Variants in CHTF8 observed in about 807,000 individuals in gnomAD.
CHTF8 encodes chromosome transmission fidelity factor 8, also known as chromosome transmission fidelity protein 8 homolog.
Under a neutral mutation model 11.0 loss-of-function variants are expected in CHTF8, and 6 were observed. The observed-to-expected ratio is 0.55, with a 90% CI of 0.30 to 1.08. The LOEUF (loss-of-function observed/expected upper bound fraction) is 1.08, where lower values mean the gene tolerates loss of function less well. Among genes scored for constraint, CHTF8 ranks in the 50% least tolerant of loss-of-function variants. CHTF8 has a pLI of 0.07. For missense variants in CHTF8, 140 were observed against 153.1 expected (o/e 0.91, Z 0.45); for synonymous variants, 53 against 60.5 (o/e 0.88, Z 0.57).
Position 69,118,225 on chromosome 16 carries a change from G to A in CHTF8, c.*2200C>T. 1 of 568,996 alleles carries A rather than the reference G, an allele frequency of 1.8e-6. No individual in the cohort carries two copies. Among genetic ancestry groups the A allele is most frequent in the Non-Finnish European group, 3.3e-6 (1 of 300,652 alleles). The allele number at this position is 568,996 out of a possible 1,614,324, so 35.2% of individuals were successfully genotyped here. ...CAGTGAAGAGGGAGTTGGATGAGTA[G>A]AGGGGCCTTAAATCTGGCCACCTCT... On this transcript the variant is annotated 3_prime_UTR_variant, in exon 4 of 4. Transcript: ENST00000448552.
At chr16:69,128,419 A>G (rs912692862) in intron 1 of CHTF8, among the ~76,000 whole-genome samples, 1 of 152,216 alleles carries the variant, frequency 6.6e-6, no homozygotes, top group Non-Finnish European at 1.5e-5. Flanking sequence ...CCTTGGAAAG[A>G]TAAGAAGGTA....
At chr16:69,128,159 C>G (rs919103458) in intron 1 of CHTF8, among the ~76,000 whole-genome samples, 1 of 152,086 alleles carries the variant, frequency 6.6e-6, no homozygotes, top group Non-Finnish European at 1.5e-5. Context: ...ATGATCCACC[C>G]GCCTCGGCCT....
Position 69,119,007 on chromosome 16 carries a change from G to C in CHTF8, c.*1418C>G, listed in dbSNP as rs1961393721. 1 of 702,964 alleles carries C rather than the reference G, an allele frequency of 1.4e-6. No homozygotes were observed. Among genetic ancestry groups the C allele is most frequent in the African/African-American group, 1.7e-5 (1 of 57,282 alleles). 43.5% of individuals were successfully genotyped at this position (702,964 alleles called of 1,614,324 possible). On this transcript the variant is annotated 3_prime_UTR_variant, in exon 4 of 4. Coordinates refer to ENST00000448552, the MANE Select transcript of CHTF8 (RefSeq NM_001039690.5). The stretch of plus-strand genomic sequence containing the variant: ...CATTCATCCTTGGAAAGGAAGCTGG[G>C]TTGAGACCCAGGGTCCCAGTTGGCC...
rs111377027 is a variant in CHTF8, at chr16:69,119,695, G to A, written c.*730C>T. The A allele has an allele frequency of 2.9e-6, 2 of 678,226 alleles. No homozygotes were observed. The highest frequency in any genetic ancestry group is 5.4e-6 in the Non-Finnish European group (2 of 371,412). The allele number at this position is 678,226 out of a possible 1,614,324, so 42.0% of individuals were successfully genotyped here. On this transcript the variant is annotated 3_prime_UTR_variant, in exon 4 of 4. Coordinates refer to ENST00000448552, the MANE Select transcript of CHTF8 (RefSeq NM_001039690.5). ...TGCTCTGGCATCTAGATTAGGGCCT[G>A]GGCCCAGGCCACTTGGTCTTGGGTT... is the stretch of plus-strand genomic sequence containing the variant.
At position 69,120,782 on chromosome 16, in the gene CHTF8, G is replaced by A; in HGVS notation, c.142-133C>T. 1.2e-6 allele frequency: 1 copy of A among 807,136 alleles called. No homozygotes were observed. The highest frequency in any genetic ancestry group is 2.0e-6 in the Non-Finnish European group (1 of 493,206). The allele number at this position is 807,136 out of a possible 1,614,324, so 50.0% of individuals were successfully genotyped here. On this transcript the variant is annotated intron_variant, in intron 3 of 3. Coordinates refer to ENST00000448552, the MANE Select transcript of CHTF8 (RefSeq NM_001039690.5). The surrounding 1 kb of genome is among the most constrained non-coding windows in gnomAD (Gnocchi z 4.0). ...GGTCTGGCTCTGCCATTGTTGAGCA[G>A]CCACACTGGACCACCCACCCATGTG... is the stretch of plus-strand genomic sequence containing the variant.
intron 1 of CHTF8, among the ~76,000 whole-genome samples, chr16:69,123,904 A>T (rs1961862246): frequency 6.8e-6 from 1 of 147,154 alleles, no homozygotes; most frequent in South Asian, 2.2e-4. Flanking sequence ...CCTGGCCAAC[A>T]TGATGAAACC....
chr16:69,127,762 A>G (rs1349556945), intron 1 of CHTF8, among the ~76,000 whole-genome samples: 5 of 151,692 alleles, frequency 3.3e-5, no homozygotes, highest in Non-Finnish European at 5.9e-5. Context: ...GGCGCCCGCC[A>G]CCACACCCGG....
chr16:69,126,540 A>G (rs914020781), intron 1 of CHTF8, among the ~76,000 whole-genome samples: 3 of 152,218 alleles, frequency 2.0e-5, no homozygotes, highest in Non-Finnish European at 4.4e-5. Flanking sequence ...AGGCCTCAGC[A>G]TCTTACCACC....
At chr16:69,125,183 C>A (rs1415295800) in intron 1 of CHTF8, among the ~76,000 whole-genome samples, 7 of 152,086 alleles carry the variant, frequency 4.6e-5, no homozygotes, top group Non-Finnish European at 1.0e-4. Context: ...AGATTACAGG[C>A]TTGAGTCATT....
At chr16:69,129,197 G>A (rs1010781186) in intron 1 of CHTF8, among the ~76,000 whole-genome samples, 16 of 151,974 alleles carry the variant, frequency 1.1e-4, no homozygotes, top group East Asian at 1.9e-4. Context: ...TTGGGAGGCC[G>A]AGGCGGGCAG....
Position 69,121,502 on chromosome 16 carries a change from A to AG in CHTF8, c.-35-10dup, listed in dbSNP as rs746447798. ...AAGCAAGTGAAAACAAGCTGTAGAG[A>AG]GAAAAAAAGAGATTTAGGGTAATAA... is the stretch of plus-strand genomic sequence containing the variant. On this transcript the variant is annotated splice_polypyrimidine_tract_variant and intron_variant, in intron 1 of 3. Transcript: ENST00000448552. The AG allele has an allele frequency of 6.5e-7, 1 of 1,530,338 alleles. No individual in the cohort carries two copies. The highest frequency in any genetic ancestry group is 1.2e-5 in the South Asian group (1 of 84,670). The allele number at this position is 1,530,338 out of a possible 1,614,324, so 94.8% of individuals were successfully genotyped here.
At chr16:69,123,304 G>A (rs894771696) in intron 1 of CHTF8, among the ~76,000 whole-genome samples, 20 of 152,100 alleles carry the variant, frequency 1.3e-4, no homozygotes, top group African/African-American at 4.8e-4. Flanking sequence ...CTTTGGTAAT[G>A]ATGTAAGCTT....
At chr16:69,131,784 A>C (rs1052640639) in intron 1 of CHTF8, among the ~76,000 whole-genome samples, 4 of 150,940 alleles carry the variant, frequency 2.7e-5, no homozygotes, top group African/African-American at 9.8e-5. Flanking sequence ...TCGTTCTCCA[A>C]ATTGTTCCCG....
chr16:69,130,443 T>C (rs1962416225), intron 1 of CHTF8, among the ~76,000 whole-genome samples: 1 of 152,210 alleles, frequency 6.6e-6, no homozygotes, highest in African/African-American at 2.4e-5. Context: ...AGGCCAACAG[T>C]TGGCATTTAT....
chr16:69,129,403 C>G (rs1174238473), intron 1 of CHTF8, among the ~76,000 whole-genome samples: 3 of 135,920 alleles, frequency 2.2e-5, no homozygotes, highest in Admixed American at 8.7e-5. Flanking sequence ...GCACTCCAGC[C>G]TAGGCAACAG....
At chr16:69,132,075 C>T (rs1424995703) in intron 1 of CHTF8, 1 of 154,630 alleles carries the variant, frequency 6.5e-6, no homozygotes, top group East Asian at 1.9e-4. Context: ...GGAAGAGCCC[C>T]TTCCCGCACG....
At chr16:69,130,070 C>T (rs1962382531) in intron 1 of CHTF8, among the ~76,000 whole-genome samples, 1 of 152,288 alleles carries the variant, frequency 6.6e-6, no homozygotes, top group East Asian at 1.9e-4. Context: ...TTAATTCTTA[C>T]CCTCTGGTCT....
rs117142013 is a variant in CHTF8 at position 69,120,696 on chromosome 16, A to C, written c.142-47T>G. 2.0e-6 allele frequency: 3 copies of C among 1,535,662 alleles called. No homozygotes were observed. Among genetic ancestry groups the C allele is most frequent in the East Asian group, 2.3e-5 (1 of 44,268 alleles). The stretch of plus-strand genomic sequence containing the variant: ...ATTCCTGAGGTTCCGGGGCAAGGCC[A>C]TAACACTCAGGCGCCTCCTAAAGCT... On this transcript the variant is annotated intron_variant, in intron 3 of 3. Coordinates refer to ENST00000448552, the MANE Select transcript of CHTF8 (RefSeq NM_001039690.5). The surrounding 1 kb of genome is among the most constrained non-coding windows in gnomAD (Gnocchi z 4.0).
In CHTF8 at chr16:69,118,552, CAAGAAACTAGT is replaced by C. The variant is rs984374134; in HGVS notation, c.*1862_*1872del. ...TGAGGAAAAGTCCACAAGAACAATTCAAGAAACTAGTAAGAAACAATGGGCAGAAAGCTGTG... is the reference window on the plus strand; with the variant it reads ...TGAGGAAAAGTCCACAAGAACAATTCAAGAAACAATGGGCAGAAAGCTGTG... On this transcript the variant is annotated 3_prime_UTR_variant, in exon 4 of 4. Transcript: ENST00000448552. 1.2e-6 allele frequency: 1 copy of C among 821,968 alleles called. No homozygotes were observed. 50.9% of individuals were successfully genotyped at this position (821,968 alleles called of 1,614,324 possible). A position where few individuals can be genotyped will look rare whatever the true frequency, so the allele number is the denominator to read the frequency against.
Sources: allele counts gnomAD v4.1 joint callset (sites outside exome capture counted in the v4.1 genomes callset), GRCh38; gene constraint gnomAD v4.1.1; non-coding constraint Gnocchi (gnomAD v3.1); transcripts MANE v1.5; gene names NCBI Gene and HGNC (gene_info 2026-07-23, HGNC 2026-07-21).